NAT10: variants seen among roughly 807,000 people sequenced by gnomAD.
NAT10 encodes N-acetyltransferase 10.
A neutral mutation model predicts 132.2 loss-of-function variants in NAT10; 109 were observed. That is an observed-to-expected ratio of 0.82 (90% CI 0.71 to 0.97). The LOEUF (loss-of-function observed/expected upper bound fraction) is 0.97, where lower values mean the gene tolerates loss of function less well. Ranked by LOEUF, NAT10 falls within the 50% of genes least tolerant of loss-of-function variation. The pLI is 0.00. For missense variants in NAT10, 1,184 were observed against 1,263.4 expected (o/e 0.94, Z 0.95); for synonymous variants, 479 against 478.0 (o/e 1.00, Z -0.03).
chr11:34,145,529 T>G (rs139640617), intron 28 of NAT10, among the ~76,000 whole-genome samples: 1 of 152,348 alleles, frequency 6.6e-6, no homozygotes, highest in South Asian at 2.1e-4. Flanking sequence ...AGGATATCAA[T>G]GAAGAATCCA....
intron 11 of NAT10, 28 bp downstream of exon 11, chr11:34,124,428 G>T: frequency 6.6e-7 from 1 of 1,517,796 alleles, no homozygotes; most frequent in Non-Finnish European, 9.1e-7. Context: ...ACCCTGATGT[G>T]CAGGGCCAGT....
At chr11:34,127,072 G>A (rs1288150460) in intron 11 of NAT10, among the ~76,000 whole-genome samples, 1 of 152,118 alleles carries the variant, frequency 6.6e-6, no homozygotes, top group Admixed American at 6.5e-5. Flanking sequence ...AGGAGACAAA[G>A]GAGAGAAAGG....
intron 18 of NAT10, 72 bp from the exon 19 acceptor site, chr11:34,135,103 G>A (rs753577046): frequency 2.0e-4 from 234 of 1,192,412 alleles, no homozygotes; most frequent in Middle Eastern, 1.5e-3. Flanking sequence ...AAGCAATGCA[G>A]GGGAGTCACT....
intron 27 of NAT10, among the ~76,000 whole-genome samples, 166 bp from the exon 28 acceptor site, chr11:34,143,279 G>T (rs1233398824): frequency 6.6e-6 from 1 of 152,234 alleles, no homozygotes. Context: ...TGGCCCTCCT[G>T]CATGCTTGTC....
At chr11:34,130,718 TG>T in intron 12 of NAT10, 94 bp from the exon 13 acceptor site, 1 of 1,456,886 alleles carries the variant, frequency 6.9e-7, no homozygotes. Context: ...AGCAGGGGTC[TG>T]GTGTTTCAGC....
intron 5 of NAT10, among the ~76,000 whole-genome samples, chr11:34,115,139 G>A (rs1170591990): frequency 6.6e-6 from 1 of 152,210 alleles, no homozygotes; most frequent in Non-Finnish European, 1.5e-5. Context: ...CTGGGCAACA[G>A]AGCAAGACTC....
chr11:34,128,112 T>C (rs555959220), intron 12 of NAT10, among the ~76,000 whole-genome samples: 2 of 152,122 alleles, frequency 1.3e-5, no homozygotes, highest in African/African-American at 2.4e-5. Context: ...TCCCAGCACA[T>C]TGGGAGGCCG....
intron 1 of NAT10, 31 bp from the exon 2 acceptor site, chr11:34,108,180 G>A (rs749034376): frequency 6.0e-5 from 88 of 1,455,250 alleles, no homozygotes; most frequent in East Asian, 4.3e-4. Flanking sequence ...AATCTAGTGC[G>A]CATGGCCAGT....
intron 12 of NAT10, among the ~76,000 whole-genome samples, chr11:34,128,372 A>C (rs546611797): frequency 2.0e-5 from 3 of 152,266 alleles, no homozygotes; most frequent in East Asian, 1.9e-4. Flanking sequence ...CAAAAAAAAA[A>C]AAAAAAGAAA....
rs184899904 is a variant in NAT10, at chr11:34,106,751, C to A, written c.-16+959C>A. Among the ~76,000 whole-genome samples the A allele has an allele frequency of 2.2e-4, 33 of 152,286 alleles. No homozygotes were observed. In the East Asian group the frequency reaches 5.8e-3, roughly 27 times the overall value. On this transcript the variant is annotated intron_variant, in intron 1 of 28. Transcript: ENST00000257829. ...GGGATATTTGAATTCTTTATACTTT[C>A]TCCTTTACGTATAAATTGGGGTCCT...
Position 34,124,422 on chromosome 11 carries a change from T to C in NAT10, c.1107+22T>C, listed in dbSNP as rs192423075. On this transcript the variant is annotated intron_variant, in intron 11 of 28. Coordinates refer to ENST00000257829, the MANE Select transcript of NAT10 (RefSeq NM_024662.3). ...TCAGGTGAGGCTTGTTCTCAGACCC[T>C]GATGTGCAGGGCCAGTGTCTTGCTG... The C allele has an allele frequency of 7.7e-6, 12 of 1,557,540 alleles. No homozygotes were observed. The Admixed American group carries it at 2.0e-4, about 26-fold the overall frequency.
intron 27 of NAT10, 72 bp downstream of exon 27, chr11:34,142,420 T>A: frequency 7.5e-7 from 1 of 1,339,526 alleles, no homozygotes; most frequent in South Asian, 1.2e-5. Flanking sequence ...ACGTTTCTTC[T>A]AATCATATCC....
Position 34,143,540 on chromosome 11 carries a change from G to T in NAT10, c.2969+12G>T, listed in dbSNP as rs367792896. 3.0e-5 allele frequency: 48 copies of T among 1,612,286 alleles called. 1 individual carries two copies. In the Middle Eastern group the frequency reaches 4.0e-3, roughly 133 times the overall value. On this transcript the variant is annotated intron_variant, in intron 28 of 28. Transcript: ENST00000257829. ...ATCAGCCTGAAAAGGTGAGGGCCCAGGGTCTGATGTGCATCTGGCGGAAGA... is the reference window on the plus strand; with the variant it reads ...ATCAGCCTGAAAAGGTGAGGGCCCATGGTCTGATGTGCATCTGGCGGAAGA...
At chr11:34,113,444 G>C (rs1334924127) in intron 4 of NAT10, among the ~76,000 whole-genome samples, 1 of 151,970 alleles carries the variant, frequency 6.6e-6, no homozygotes, top group Non-Finnish European at 1.5e-5. Context: ...GTGGGAACAG[G>C]TATGGTCTTG....
intron 9 of NAT10, 40 bp downstream of exon 9, chr11:34,122,632 T>C (rs1486054104): frequency 6.2e-7 from 1 of 1,608,840 alleles, no homozygotes. Context: ...AACTCTGGGC[T>C]CTGTGGGGGT....
At chr11:34,112,613 A>G (rs373175236) in intron 4 of NAT10, among the ~76,000 whole-genome samples, 42 of 152,306 alleles carry the variant, frequency 2.8e-4, no homozygotes, top group African/African-American at 9.4e-4. Context: ...ATATAGACCA[A>G]TGCACTTAAA....
At position 34,118,229 on chromosome 11, in the gene NAT10, C is replaced by T. The variant is rs527627222; in HGVS notation, c.607C>T (p.Gln203Ter). 6.2e-7 allele frequency: 1 copy of T among 1,614,180 alleles called. No homozygotes were observed. Among genetic ancestry groups the T allele is most frequent in the South Asian group, 1.1e-5 (1 of 91,080 alleles). ...SCKKCLVIDD[Q>*]LNILPISSHV... Reference sequence around the variant, plus strand: ...TAAGAAGTGTCTCGTCATTGATGACCAGCTCAACATCCTGCCCATCTCCTC... The same window carrying T: ...TAAGAAGTGTCTCGTCATTGATGACTAGCTCAACATCCTGCCCATCTCCTC... The change falls in exon 7 of 29, where the codon CAG becomes TAG. Residue 203 changes from glutamine (Q) to a stop codon, truncating the protein, a stop_gained. Transcript: ENST00000257829. LOFTEE classifies it high-confidence loss of function.
intron 11 of NAT10, 105 bp downstream of exon 11, chr11:34,124,505 A>G: frequency 1.3e-6 from 1 of 755,974 alleles, no homozygotes; most frequent in Non-Finnish European, 2.1e-6. Flanking sequence ...GTGTAATTGC[A>G]TGTCTTTTAG....
At position 34,127,449 on chromosome 11, in the gene NAT10, T is replaced by C. The variant is rs752340493; in HGVS notation, c.1108-14T>C. 19 of 1,585,896 alleles carry C rather than the reference T, an allele frequency of 1.2e-5. No individual in the cohort carries two copies. The South Asian group carries it at 2.0e-4, about 17-fold the overall frequency. ...GTTCACTATGCTAATAATCTAAATT[T>C]TCCTTCCCCATAGTATATACATCCT... On this transcript the variant is annotated splice_polypyrimidine_tract_variant and intron_variant, in intron 11 of 28. Transcript: ENST00000257829.
Sources: allele counts gnomAD v4.1 joint callset (sites outside exome capture counted in the v4.1 genomes callset), GRCh38; gene constraint gnomAD v4.1.1; transcripts MANE v1.5; gene names NCBI Gene and HGNC (gene_info 2026-07-23, HGNC 2026-07-21).